Variants in ARHGAP18 observed in about 807,000 individuals in gnomAD.
ARHGAP18 encodes rho GTPase-activating protein 18.
Under a neutral mutation model 86.2 loss-of-function variants are expected in ARHGAP18, and 67 were observed. That is an observed-to-expected ratio of 0.78 (90% CI 0.64 to 0.95). The LOEUF is 0.95. Among genes scored for constraint, ARHGAP18 ranks in the 40% least tolerant of loss-of-function variants. ARHGAP18 has a pLI of 0.00. For synonymous variants in ARHGAP18, 283 were observed against 280.4 expected, an observed-to-expected ratio of 1.01 and a Z score of -0.09; for missense variants, 691 against 780.4, an observed-to-expected ratio of 0.89 and a Z score of 1.37.
At position 129,626,065 on chromosome 6, in the gene ARHGAP18, TACACAC is replaced by T. The variant is rs71028169; in HGVS notation, c.786+3282_786+3287del. ...ACACACACACATATATATACACATATACACACACACACACACACACACACACACACA... is the reference window on the plus strand; with the variant it reads ...ACACACACACATATATATACACATATACACACACACACACACACACACACA... On this transcript the variant is annotated intron_variant, in intron 5 of 14. Coordinates refer to ENST00000368149, the MANE Select transcript of ARHGAP18 (RefSeq NM_033515.3). Among the ~76,000 whole-genome samples the T allele has an allele frequency of 1.7e-3, 177 of 101,526 alleles. 1 individual carries two copies. The highest frequency in any genetic ancestry group is 9.6e-3 in the Middle Eastern group (2 of 208). 66.6% of individuals were successfully genotyped at this position (101,526 alleles called of 152,430 possible). A position where few individuals can be genotyped will look rare whatever the true frequency, so the allele number is the denominator to read the frequency against.
chr6:129,655,332 AAAAAAAAAAG>A (rs1177763076), intron 1 of ARHGAP18, among the ~76,000 whole-genome samples: 34 of 142,244 alleles, frequency 2.4e-4, no homozygotes, highest in East Asian at 9.9e-4. Flanking sequence ...AAAAAAAAAA[AAAAAAAAAAG>A]AAAAGAAAAG....
At position 129,600,784 on chromosome 6, in the gene ARHGAP18, T is replaced by C; in HGVS notation, c.1430A>G (p.Asn477Ser). The change falls in exon 11 of 15, where the codon AAT becomes AGT. Residue 477 changes from asparagine (N) to serine (S), a missense_variant. Physicochemically the swap from Asn to Ser is conservative, Grantham distance 46. Transcript: ENST00000368149. Reference sequence around the variant, plus strand: ...ATTCGGGGCCATGACCATTGCTACATTCATGACTGTCATTTTATTTTTTTC... The same window carrying C: ...ATTCGGGGCCATGACCATTGCTACACTCATGACTGTCATTTTATTTTTTTC... ...NKEKNKMTVMNVAMVMAPNLF... is the reference protein window; with the variant it reads ...NKEKNKMTVMSVAMVMAPNLF... 6.2e-7 allele frequency: 1 copy of C among 1,613,660 alleles called. No homozygotes were observed. Among genetic ancestry groups the C allele is most frequent in the Non-Finnish European group, 8.5e-7 (1 of 1,179,768 alleles).
intron 1 of ARHGAP18, among the ~76,000 whole-genome samples, chr6:129,654,202 A>G (rs1262850618): frequency 6.6e-6 from 1 of 152,192 alleles, no homozygotes; most frequent in Non-Finnish European, 1.5e-5. Context: ...GGGAACCTGA[A>G]AAAGGTGAGG....
At chr6:129,684,219 C>T (rs533191639) in intron 1 of ARHGAP18, among the ~76,000 whole-genome samples, 1 of 152,288 alleles carries the variant, frequency 6.6e-6, no homozygotes, top group South Asian at 2.1e-4. Flanking sequence ...AGCTAAGAAA[C>T]ACTATAAATG....
intron 1 of ARHGAP18, among the ~76,000 whole-genome samples, chr6:129,657,585 C>T (rs1474676789): frequency 6.6e-6 from 1 of 152,174 alleles, no homozygotes; most frequent in Non-Finnish European, 1.5e-5. Context: ...ACAGGGCAAC[C>T]ATCTGCATCG....
At chr6:129,649,553 CAAAAAAAAAA>C (rs35700328) in intron 1 of ARHGAP18, among the ~76,000 whole-genome samples, 1 of 50,002 alleles carries the variant, frequency 2.0e-5, no homozygotes, top group South Asian at 1.0e-3. Context: ...TCTCTGTCTC[CAAAAAAAAAA>C]AAAAAAAAAA....
At position 129,608,037 on chromosome 6, in the gene ARHGAP18, G is replaced by A; in HGVS notation, c.1138C>T (p.Leu380=). The A allele has an allele frequency of 2.4e-6, 2 of 829,462 alleles. No homozygotes were observed. The highest frequency in any genetic ancestry group is 2.8e-5 in the South Asian group (2 of 70,600). The allele number at this position is 829,462 out of a possible 1,614,324, so 51.4% of individuals were successfully genotyped here. A position where few individuals can be genotyped will look rare whatever the true frequency, so the allele number is the denominator to read the frequency against. Residue 380 remains leucine (L), a synonymous_variant, in exon 9 of 15, where the codon CTA becomes TTA. Transcript: ENST00000368149. Reference sequence around the variant, plus strand: ...GTCCCTTCATAAAACTTTGCTTCTAGTTCTTGGCAAAGATTCTGATAGGCA... The same window carrying A: ...GTCCCTTCATAAAACTTTGCTTCTAATTCTTGGCAAAGATTCTGATAGGCA... ...AIRIKNLCQE[L]EAKFYEGTFN... is the part of the protein sequence containing the mutation.
intron 1 of ARHGAP18, among the ~76,000 whole-genome samples, chr6:129,694,619 G>T (rs17057625): frequency 6.6e-6 from 1 of 152,060 alleles, no homozygotes; most frequent in Non-Finnish European, 1.5e-5. Flanking sequence ...AATACAAAAC[G>T]CTTAAAATGC....
intron 5 of ARHGAP18, among the ~76,000 whole-genome samples, chr6:129,626,717 A>G (rs574789141): frequency 7.2e-5 from 11 of 152,002 alleles, no homozygotes; most frequent in African/African-American, 2.4e-4. Flanking sequence ...AGAAAAAAAA[A>G]GAAAAACAAG....
At chr6:129,695,144 C>A (rs1032097708) in intron 1 of ARHGAP18, among the ~76,000 whole-genome samples, 9 of 152,226 alleles carry the variant, frequency 5.9e-5, no homozygotes, top group African/African-American at 2.2e-4. Context: ...AAAATAATGG[C>A]TTCTAGGTCA....
At chr6:129,658,972 AT>A (rs977694090) in intron 1 of ARHGAP18, among the ~76,000 whole-genome samples, 23 of 151,928 alleles carry the variant, frequency 1.5e-4, no homozygotes, top group East Asian at 1.9e-4. Flanking sequence ...AAGTTATTTA[AT>A]TTTTTTTTAG....
At chr6:129,692,775 G>A (rs1774549613) in intron 1 of ARHGAP18, among the ~76,000 whole-genome samples, 2 of 152,188 alleles carry the variant, frequency 1.3e-5, no homozygotes, top group Non-Finnish European at 2.9e-5. Context: ...TTGGCTTCCT[G>A]AGAACTTTCA....
At chr6:129,702,530 C>T (rs1231141846) in intron 1 of ARHGAP18, among the ~76,000 whole-genome samples, 1 of 152,224 alleles carries the variant, frequency 6.6e-6, no homozygotes, top group African/African-American at 2.4e-5. Flanking sequence ...AGGGCACCTA[C>T]AGCAGGGTTC....
chr6:129,589,782 C>T (rs574388615), intron 12 of ARHGAP18, among the ~76,000 whole-genome samples: 4 of 152,250 alleles, frequency 2.6e-5, no homozygotes, highest in Admixed American at 6.5e-5. Flanking sequence ...TTGACTCACA[C>T]GATCACAAGG....
At chr6:129,624,299 G>C (rs1444971909) in intron 5 of ARHGAP18, among the ~76,000 whole-genome samples, 1 of 152,062 alleles carries the variant, frequency 6.6e-6, no homozygotes, top group East Asian at 1.9e-4. Context: ...GGGAGGCTGA[G>C]GCAGGCGGAT....
chr6:129,654,217 G>T (rs1446191121), intron 1 of ARHGAP18, among the ~76,000 whole-genome samples: 3 of 152,212 alleles, frequency 2.0e-5, no homozygotes, highest in African/African-American at 7.2e-5. Context: ...GTGAGGGGAG[G>T]AGAGGTAGAC....
At chr6:129,685,913 C>A (rs1049394343) in intron 1 of ARHGAP18, among the ~76,000 whole-genome samples, 2 of 152,180 alleles carry the variant, frequency 1.3e-5, no homozygotes, top group African/African-American at 2.4e-5. Context: ...AACAACCCTG[C>A]CTGTATGTTG....
chr6:129,685,272 C>T (rs576566011), intron 1 of ARHGAP18, among the ~76,000 whole-genome samples: 4 of 152,120 alleles, frequency 2.6e-5, no homozygotes, highest in East Asian at 1.9e-4. Flanking sequence ...TTTGGGAGAC[C>T]GAGGTGGGCG....
chr6:129,627,112 G>T lies in ARHGAP18; in HGVS notation c.786+2241C>A, dbSNP rs565857187. Among the ~76,000 whole-genome samples, 15 of 152,178 alleles carry T rather than the reference G, an allele frequency of 9.9e-5. No individual in the cohort carries two copies. In the East Asian group the frequency reaches 2.9e-3, roughly 29 times the overall value. ...ACATCAAATATGTGTAAATCCATGA[G>T]TTAAGACTATTTTTACAAATATATA... On this transcript the variant is annotated intron_variant, in intron 5 of 14. Transcript: ENST00000368149.
Sources: gnomAD v4.1 joint callset for allele counts (sites outside exome capture counted in the v4.1 genomes callset) on GRCh38, gnomAD v4.1.1 for gene constraint, MANE v1.5 for transcripts, NCBI Gene and HGNC (gene_info 2026-07-23, HGNC 2026-07-21) for gene names.